FSCN1: variants seen among roughly 807,000 people sequenced by gnomAD.
The protein encoded by FSCN1 is fascin actin-bundling protein 1.
In FSCN1, 10 loss-of-function variants were observed where a neutral mutation model predicts 39.7. The ratio of observed to expected loss-of-function variants is 0.25; its 90% CI spans 0.16 to 0.43. FSCN1 has a LOEUF of 0.43. Ranked by LOEUF, FSCN1 falls within the 20% of genes least tolerant of loss-of-function variation. The probability of loss-of-function intolerance (pLI) is 1.00; values close to 1 mark genes in which losing one functional copy is unlikely to be tolerated. For missense variants in FSCN1, 525 were observed against 723.8 expected, an observed-to-expected ratio of 0.73 and a Z score of 3.15; for synonymous variants, 322 against 320.0, an observed-to-expected ratio of 1.01 and a Z score of -0.07.
intron 1 of FSCN1, among the ~76,000 whole-genome samples, chr7:5,597,717 CTG>C (rs1785755840): frequency 6.8e-6 from 1 of 147,376 alleles, no homozygotes; most frequent in Admixed American, 6.8e-5. Context: ...AAACAAAAAA[CTG>C]TAATTAAAAT....
intron 1 of FSCN1, among the ~76,000 whole-genome samples, chr7:5,594,312 G>C (rs375211995): frequency 6.6e-6 from 1 of 151,670 alleles, no homozygotes; most frequent in Non-Finnish European, 1.5e-5. Context: ...CCGTCTGCCC[G>C]GCCTTCCTCC....
rs762599701 is a variant in FSCN1 at position 5,603,153 on chromosome 7, C to T, written c.833-104C>T. The T allele has an allele frequency of 1.2e-4, 160 of 1,338,276 alleles. 1 individual carries two copies. The Middle Eastern group carries it at 2.4e-3, about 20-fold the overall frequency. The allele number at this position is 1,338,276 out of a possible 1,614,324, so 82.9% of individuals were successfully genotyped here. A position where few individuals can be genotyped will look rare whatever the true frequency, so the allele number is the denominator to read the frequency against. On this transcript the variant is annotated intron_variant, in intron 1 of 4. Transcript: ENST00000382361. The surrounding 1 kb of genome is among the most constrained non-coding windows in gnomAD (Gnocchi z 8.5). ...GGGGACTCGGCCGCCCACCCCACCC[C>T]GTGGTGTTACCTTGCGTGTGTAGTT...
In FSCN1 at chr7:5,599,807, TA is replaced by T. The variant is rs201383485; in HGVS notation, c.833-3440del. 5.4e-5 allele frequency among the ~76,000 whole-genome samples: 8 copies of T among 147,926 alleles called. No homozygotes were observed. Among genetic ancestry groups the T allele is most frequent in the East Asian group, 3.9e-4 (2 of 5,074 alleles). On this transcript the variant is annotated intron_variant, in intron 1 of 4. Transcript: ENST00000382361. The surrounding 1 kb of genome is among the most constrained non-coding windows in gnomAD (Gnocchi z 5.6). ...GGGCAACAGAGCAAGACCCTATCTC[TA>T]AAAAAAAAATGGAATTGAGGATGTG...
chr7:5,603,291 C>G lies in FSCN1; in HGVS notation c.867C>G (p.Thr289=). 3.1e-6 allele frequency: 5 copies of G among 1,612,752 alleles called. No individual in the cohort carries two copies. The highest frequency in any genetic ancestry group is 1.1e-5 in the South Asian group (1 of 91,046). Reference sequence around the variant, plus strand: ...TGTCTGCCAATCAGGACGAGGAGACCGACCAGGAGACCTTCCAGCTGGAGA... The same window carrying G: ...TGTCTGCCAATCAGGACGAGGAGACGGACCAGGAGACCTTCCAGCTGGAGA... ...MDLSANQDEE[T]DQETFQLEID... is the part of the protein sequence containing the mutation. The change falls in exon 2 of 5, where the codon ACC becomes ACG. Residue 289 remains threonine, a synonymous_variant. Coordinates refer to ENST00000382361, the MANE Select transcript of FSCN1 (RefSeq NM_003088.4). The surrounding 1 kb of genome is among the most constrained non-coding windows in gnomAD (Gnocchi z 8.5).
intron 1 of FSCN1, chr7:5,594,449 G>A (rs1291460469): frequency 6.6e-6 from 1 of 152,456 alleles, no homozygotes; most frequent in African/African-American, 2.4e-5. Flanking sequence ...TGTGAGCAGG[G>A]GGGCGGGTCG....
Position 5,599,468 on chromosome 7 carries a change from A to T in FSCN1, c.833-3789A>T, listed in dbSNP as rs1785788654. Among the ~76,000 whole-genome samples, 1 of 152,084 alleles carries T rather than the reference A, an allele frequency of 6.6e-6. No individual in the cohort carries two copies. The highest frequency in any genetic ancestry group is 1.5e-5 in the Non-Finnish European group (1 of 68,014). ...TCCCTCTTTGTGAAGTAGGATGAAG[A>T]TCCCCACCTGTGGAGCAGATGTGGG... is the stretch of plus-strand genomic sequence containing the variant. On this transcript the variant is annotated intron_variant, in intron 1 of 4. Transcript: ENST00000382361. This position sits in a 1 kb window ranked among gnomAD's most constrained non-coding sequence, Gnocchi z 5.6.
rs376411605 is a variant in FSCN1, at chr7:5,605,435, G to A, written c.1443G>A (p.Ser481=). The part of the protein sequence containing the change: ...KGDHAGVLKA[S]AETVDPASLW... ...ACCACGCAGGCGTCCTGAAGGCCTC[G>A]GCGGAAACCGTGGACCCCGCCTCGC... Residue 481 remains serine (S), a synonymous_variant, in exon 5 of 5, where the codon TCG becomes TCA. Transcript: ENST00000382361. This position sits in a 1 kb window ranked among gnomAD's most constrained non-coding sequence, Gnocchi z 6.9. 43 of 1,605,768 alleles carry A rather than the reference G, an allele frequency of 2.7e-5. No individual in the cohort carries two copies. In the African/African-American group the frequency reaches 3.1e-4, roughly 11 times the overall value.
intron 4 of FSCN1, among the ~76,000 whole-genome samples, chr7:5,604,501 C>T (rs1785896667): frequency 8.1e-6 from 1 of 123,026 alleles, no homozygotes; most frequent in Non-Finnish European, 1.8e-5. Flanking sequence ...TTGAGACTCA[C>T]TCCCTCACCC....
intron 1 of FSCN1, among the ~76,000 whole-genome samples, chr7:5,596,023 G>A (rs930022169): frequency 4.0e-5 from 6 of 151,454 alleles, no homozygotes; most frequent in Non-Finnish European, 7.4e-5. Context: ...AGGGATGTGG[G>A]ACGGCGCGGG....
In FSCN1 at chr7:5,603,361, A is replaced by G; in HGVS notation, c.937A>G (p.Lys313Glu). Reference sequence around the variant, plus strand: ...GTGTGCCTTCCGTACCCACACGGGCAAGTACTGGACGCTGACGGCCACCGG... The same window carrying G: ...GTGTGCCTTCCGTACCCACACGGGCGAGTACTGGACGCTGACGGCCACCGG... ...KKCAFRTHTG[K>E]YWTLTATGGV... Residue 313 changes from lysine (K) to glutamate (E), a missense_variant, in exon 2 of 5, where the codon AAG (lysine) becomes GAG (glutamate). By Grantham distance (56) the Lys-to-Glu change is moderately conservative. Coordinates refer to ENST00000382361, the MANE Select transcript of FSCN1 (RefSeq NM_003088.4). The surrounding 1 kb of genome is among the most constrained non-coding windows in gnomAD (Gnocchi z 8.5). 2 of 1,613,688 alleles carry G rather than the reference A, an allele frequency of 1.2e-6. No homozygotes were observed. Among genetic ancestry groups the G allele is most frequent in the Non-Finnish European group, 1.7e-6 (2 of 1,179,998 alleles).
chr7:5,605,215 C>T lies in FSCN1; in HGVS notation c.1280-57C>T, dbSNP rs1785912357. ...ACACCCGTGCCCACCCTCCGCTGCC[C>T]AGGGTAGGGGTGGGGAGCCAGGCTT... On this transcript the variant is annotated intron_variant, in intron 4 of 4. Coordinates refer to ENST00000382361, the MANE Select transcript of FSCN1 (RefSeq NM_003088.4). This position sits in a 1 kb window ranked among gnomAD's most constrained non-coding sequence, Gnocchi z 6.9. 2.9e-6 allele frequency: 4 copies of T among 1,364,658 alleles called. No individual in the cohort carries two copies. The highest frequency in any genetic ancestry group is 4.2e-6 in the Non-Finnish European group (4 of 960,562). 84.5% of individuals were successfully genotyped at this position (1,364,658 alleles called of 1,614,324 possible). A position where few individuals can be genotyped will look rare whatever the true frequency, so the allele number is the denominator to read the frequency against.
At position 5,604,042 on chromosome 7, in the gene FSCN1, T is replaced by G; in HGVS notation, c.1279+12T>G. 6.2e-7 allele frequency: 1 copy of G among 1,611,338 alleles called. No individual in the cohort carries two copies. The highest frequency in any genetic ancestry group is 8.5e-7 in the Non-Finnish European group (1 of 1,179,070). ...CTACAACATCAAAGGCAGGTTCTCCTGTGGGCAGCTGCTGGGCAGGGAACC... is the reference window on the plus strand; with the variant it reads ...CTACAACATCAAAGGCAGGTTCTCCGGTGGGCAGCTGCTGGGCAGGGAACC... On this transcript the variant is annotated intron_variant, in intron 4 of 4. Transcript: ENST00000382361.
In FSCN1 at chr7:5,593,728, G is replaced by A. The variant is rs749435062; in HGVS notation, c.792G>A (p.Val264=). The A allele has an allele frequency of 1.3e-6, 2 of 1,591,650 alleles. No homozygotes were observed. The highest frequency in any genetic ancestry group is 8.5e-7 in the Non-Finnish European group (1 of 1,175,794). ...TGGAGCAGAGCTGCGCCCAGGTCGTGCTGCAGGCGGCCAACGAGAGGAACG... is the reference window on the plus strand; with the variant it reads ...TGGAGCAGAGCTGCGCCCAGGTCGTACTGCAGGCGGCCAACGAGAGGAACG... ...FALEQSCAQV[V]LQAANERNVS... The change falls in exon 1 of 5, where the codon GTG becomes GTA. Residue 264 remains valine, a synonymous_variant. Coordinates refer to ENST00000382361, the MANE Select transcript of FSCN1 (RefSeq NM_003088.4).
At position 5,603,437 on chromosome 7, in the gene FSCN1, C is replaced by T. The variant is rs772902047; in HGVS notation, c.989+24C>T. The T allele has an allele frequency of 6.2e-7, 1 of 1,613,794 alleles. No individual in the cohort carries two copies. The highest frequency in any genetic ancestry group is 8.5e-7 in the Non-Finnish European group (1 of 1,179,958). ...AAGTGAGTGCCTCGCTCCCACCTGT[C>T]ACCGCCCCCACCACCTTGCCTGGGC... is the stretch of plus-strand genomic sequence containing the variant. On this transcript the variant is annotated intron_variant, in intron 2 of 4. Transcript: ENST00000382361. The surrounding 1 kb of genome is among the most constrained non-coding windows in gnomAD (Gnocchi z 8.5).
chr7:5,603,128 G>T lies in FSCN1; in HGVS notation c.833-129G>T. On this transcript the variant is annotated intron_variant, in intron 1 of 4. Coordinates refer to ENST00000382361, the MANE Select transcript of FSCN1 (RefSeq NM_003088.4). The surrounding 1 kb of genome is among the most constrained non-coding windows in gnomAD (Gnocchi z 8.5). The stretch of plus-strand genomic sequence containing the variant: ...TGCTGCTTCTCATGTGTGCCACTGT[G>T]GGGACTCGGCCGCCCACCCCACCCC... 1.0e-6 allele frequency: 1 copy of T among 987,954 alleles called. No homozygotes were observed. The highest frequency in any genetic ancestry group is 1.5e-6 in the Non-Finnish European group (1 of 653,240). 61.2% of individuals were successfully genotyped at this position (987,954 alleles called of 1,614,324 possible). A position where few individuals can be genotyped will look rare whatever the true frequency, so the allele number is the denominator to read the frequency against.
intron 1 of FSCN1, chr7:5,594,052 C>CCG (rs1554336311): frequency 4.8e-6 from 2 of 414,016 alleles, no homozygotes; most frequent in African/African-American, 4.3e-5. Flanking sequence ...CTAACCCCCC[C>CCG]CCCCGCCCAA....
Position 5,603,162 on chromosome 7 carries a change from ACCT to A in FSCN1, c.833-94_833-92del. On this transcript the variant is annotated intron_variant, in intron 1 of 4. Transcript: ENST00000382361. The surrounding 1 kb of genome is among the most constrained non-coding windows in gnomAD (Gnocchi z 8.5). ...GCCGCCCACCCCACCCCGTGGTGTT[ACCT>A]TGCGTGTGTAGTTCTGTGAGCTCAG... 2 of 1,425,118 alleles carry A rather than the reference ACCT, an allele frequency of 1.4e-6. No individual in the cohort carries two copies. The highest frequency in any genetic ancestry group is 3.6e-5 in the Admixed American group (2 of 55,498). The allele number at this position is 1,425,118 out of a possible 1,614,324, so 88.3% of individuals were successfully genotyped here. A position where few individuals can be genotyped will look rare whatever the true frequency, so the allele number is the denominator to read the frequency against.
chr7:5,593,409 G>T lies in FSCN1; in HGVS notation c.473G>T (p.Arg158Leu), dbSNP rs1450190710. 1 of 1,612,212 alleles carries T rather than the reference G, an allele frequency of 6.2e-7. No individual in the cohort carries two copies. Among genetic ancestry groups the T allele is most frequent in the Non-Finnish European group, 8.5e-7 (1 of 1,179,770 alleles). ...TRKRYAHLSA[R>L]PADEIAVDRD... Reference sequence around the variant, plus strand: ...AAGCGCTACGCGCACCTGAGCGCGCGGCCGGCCGACGAGATCGCCGTGGAC... The same window carrying T: ...AAGCGCTACGCGCACCTGAGCGCGCTGCCGGCCGACGAGATCGCCGTGGAC... Residue 158 changes from arginine (R) to leucine (L), a missense_variant, in exon 1 of 5, where the codon CGG becomes CTG. Around this residue, in one of 3 missense-constraint regions of FSCN1, gnomAD observed 246 missense variants for 350.6 expected, o/e 0.70. Coordinates refer to ENST00000382361, the MANE Select transcript of FSCN1 (RefSeq NM_003088.4).
Position 5,593,078 on chromosome 7 carries a change from C to G in FSCN1, c.142C>G (p.Leu48Val), listed in dbSNP as rs1785661545. ...SSLKKKQIWT[L>V]EQPPDEAGSA... is the part of the protein sequence containing the mutation. Reference sequence around the variant, plus strand: ...CCTGAAGAAGAAGCAGATCTGGACGCTGGAGCAGCCCCCTGACGAGGCGGG... The same window carrying G: ...CCTGAAGAAGAAGCAGATCTGGACGGTGGAGCAGCCCCCTGACGAGGCGGG... The change falls in exon 1 of 5, where the codon CTG (leucine) becomes GTG (valine). Residue 48 changes from leucine (L) to valine (V), a missense_variant. By Grantham distance (32) the Leu-to-Val change is conservative. This residue lies in a region of FSCN1 where 246 missense variants were observed against 350.6 expected (regional missense o/e 0.70). Transcript: ENST00000382361. 2 of 1,605,750 alleles carry G rather than the reference C, an allele frequency of 1.2e-6. No individual in the cohort carries two copies. The highest frequency in any genetic ancestry group is 4.5e-5 in the East Asian group (2 of 44,612).
Sources: allele counts gnomAD v4.1 joint callset (sites outside exome capture counted in the v4.1 genomes callset), GRCh38; gene constraint gnomAD v4.1.1; regional missense constraint gnomAD v4.1.1; non-coding constraint Gnocchi (gnomAD v3.1); transcripts MANE v1.5; gene names NCBI Gene and HGNC (gene_info 2026-07-23, HGNC 2026-07-21).